Variants in DNMT3A observed in about 807,000 individuals in gnomAD.
DNMT3A encodes DNA methyltransferase 3 alpha.
A neutral mutation model predicts 117.6 loss-of-function variants in DNMT3A; 267 were observed. The ratio of observed to expected loss-of-function variants is 2.27; its 90% CI spans 2.05 to 2.51. The LOEUF (loss-of-function observed/expected upper bound fraction) is 2.51, where lower values mean the gene tolerates loss of function less well. Ranked by LOEUF, DNMT3A falls within the 30% of genes most tolerant of loss-of-function variation. DNMT3A has a pLI of 0.00. For missense variants in DNMT3A, 1,029 were observed against 1,260.2 expected, an observed-to-expected ratio of 0.82 and a Z score of 2.78; for synonymous variants, 432 against 474.8, an observed-to-expected ratio of 0.91 and a Z score of 1.17.
At position 25,240,352 on chromosome 2, in the gene DNMT3A, C is replaced by T; in HGVS notation, c.2272G>A (p.Val758Met). ...DRPFFWLFEN[V>M]VAMGVSDKRD... ...TTGTCACTAACGCCCATGGCCACCACATTCTCAAAGAGCCAGAAGAAGGGG... is the reference window on the plus strand; with the variant it reads ...TTGTCACTAACGCCCATGGCCACCATATTCTCAAAGAGCCAGAAGAAGGGG... Residue 758 changes from valine (V) to methionine (M), a missense_variant, in exon 19 of 23, where the codon GTG (valine) becomes ATG (methionine). Physicochemically the swap from Val to Met is conservative, Grantham distance 21. Transcript: ENST00000321117. The T allele has an allele frequency of 6.2e-7, 1 of 1,614,236 alleles. No homozygotes were observed. The highest frequency in any genetic ancestry group is 8.5e-7 in the Non-Finnish European group (1 of 1,180,040).
chr2:25,268,066 C>T (rs2030522637), intron 6 of DNMT3A, among the ~76,000 whole-genome samples: 1 of 152,152 alleles, frequency 6.6e-6, no homozygotes, highest in Non-Finnish European at 1.5e-5. Context: ...TCCATGAAGG[C>T]TCTGCTATCT....
In DNMT3A at chr2:25,246,208, T is replaced by G. The variant is rs751640699; in HGVS notation, c.1381A>C (p.Thr461Pro). 6.2e-7 allele frequency: 1 copy of G among 1,614,166 alleles called. No homozygotes were observed. ...PPPAKKPRKS[T>P]AEKPKVKEII... ...TCCTTGACCTTGGGCTTCTCCGCTG[T>G]GCTCTTCCGGGGCTTTTTGGCTGGT... The change falls in exon 11 of 23, where the codon ACA becomes CCA. Residue 461 changes from threonine (T) to proline (P), a missense_variant. Coordinates refer to ENST00000321117, the MANE Select transcript of DNMT3A (RefSeq NM_022552.5).
At chr2:25,340,109 G>C (rs1328776234) in intron 1 of DNMT3A, among the ~76,000 whole-genome samples, 2 of 152,218 alleles carry the variant, frequency 1.3e-5, no homozygotes, top group South Asian at 4.1e-4. Flanking sequence ...AGGGGGGGTA[G>C]CTGCGCGGCC....
rs1029960553 is a variant in DNMT3A, at chr2:25,294,058, C to T, written c.177+6081G>A. ...GCCCCTGCCTTTGGGCCTCCCCACA[C>T]TCACCCTGCCCTGCATGCCTTCCTT... On this transcript the variant is annotated intron_variant, in intron 3 of 22. Coordinates refer to ENST00000321117, the MANE Select transcript of DNMT3A (RefSeq NM_022552.5). This position sits in a 1 kb window ranked among gnomAD's most constrained non-coding sequence, Gnocchi z 4.7. 5.9e-5 allele frequency among the ~76,000 whole-genome samples: 9 copies of T among 152,218 alleles called. No homozygotes were observed. The highest frequency in any genetic ancestry group is 2.2e-4 in the African/African-American group (9 of 41,456).
Position 25,274,953 on chromosome 2 carries a change from G to A in DNMT3A, c.627C>T (p.Arg209=). 6 of 1,609,976 alleles carry A rather than the reference G, an allele frequency of 3.7e-6. No homozygotes were observed. Among genetic ancestry groups the A allele is most frequent in the Non-Finnish European group, 5.1e-6 (6 of 1,176,948 alleles). Reference sequence around the variant, plus strand: ...GAAGGCGCCTCACCTCCCTTTTCCAGCGTGCCAGCCACTCGTCCCGCTTGC... The same window carrying A: ...GAAGGCGCCTCACCTCCCTTTTCCAACGTGCCAGCCACTCGTCCCGCTTGC... ...SKRKRDEWLA[R]WKREAEKKAK... is the part of the protein sequence containing the mutation. Residue 209 remains arginine (R), a synonymous_variant, in exon 6 of 23, where the codon CGC becomes CGT. Coordinates refer to ENST00000321117, the MANE Select transcript of DNMT3A (RefSeq NM_022552.5).
chr2:25,341,481 C>T (rs896304114), intron 1 of DNMT3A, among the ~76,000 whole-genome samples: 2 of 143,686 alleles, frequency 1.4e-5, no homozygotes, highest in Admixed American at 1.4e-4. Context: ...CGCAGGCCGG[C>T]GGTGGAGGGG....
rs555904965 is a variant in DNMT3A, at chr2:25,306,212, C to T, written c.73-5969G>A. On this transcript the variant is annotated intron_variant, in intron 2 of 22. Transcript: ENST00000321117. This position sits in a 1 kb window ranked among gnomAD's most constrained non-coding sequence, Gnocchi z 4.1. ...ACTCACATATGCTTGCACACACACC[C>T]GTGCCCAGGCCAACCTGCAGAGGCT... Among the ~76,000 whole-genome samples the T allele has an allele frequency of 2.0e-5, 3 of 152,310 alleles. No individual in the cohort carries two copies. Among genetic ancestry groups the T allele is most frequent in the East Asian group, 1.9e-4 (1 of 5,182 alleles).
intron 4 of DNMT3A, among the ~76,000 whole-genome samples, chr2:25,278,626 G>C (rs749467872): frequency 2.0e-5 from 3 of 152,128 alleles, no homozygotes; most frequent in East Asian, 1.9e-4. Context: ...AGGAGTCCAC[G>C]ACCAGCCTGG....
rs1376076722 is a variant in DNMT3A, at chr2:25,230,721, C to G, written c.*3558G>C. The stretch of plus-strand genomic sequence containing the variant: ...CCAAAGCCCCACACTCTCCTAAATT[C>G]TACTGTGAGACCAAGCACACAGGCT... On this transcript the variant is annotated 3_prime_UTR_variant, in exon 23 of 23. Transcript: ENST00000321117. The G allele has an allele frequency of 7.2e-6, 1 of 139,676 alleles. No individual in the cohort carries two copies. Among genetic ancestry groups the G allele is most frequent in the East Asian group, 2.1e-4 (1 of 4,754 alleles). The allele number at this position is 139,676 out of a possible 1,614,324, so 8.7% of individuals were successfully genotyped here.
chr2:25,244,367 A>G (rs1410706759), intron 14 of DNMT3A, 29 bp from the exon 15 acceptor site: 1 of 1,582,860 alleles, frequency 6.3e-7, no homozygotes, highest in South Asian at 1.1e-5. Flanking sequence ...AGCAGAGGAG[A>G]CTCTCAGCCC....
chr2:25,282,546 G>C lies in DNMT3A; in HGVS notation c.343C>G (p.Pro115Ala), dbSNP rs1170030002. The part of the protein sequence containing the change: ...SPAGGQKGGA[P>A]AEGEGAAETL... The stretch of plus-strand genomic sequence containing the variant: ...TCAGCTGCACCCTCTCCCTCTGCTG[G>C]GGCCCCGCCCTTCTGCCCCCCAGCA... Residue 115 changes from proline to alanine, a missense_variant, in exon 4 of 23, where the codon CCA (proline) becomes GCA (alanine). Physicochemically the swap from Pro to Ala is conservative, Grantham distance 27 (BLOSUM62 -1). Transcript: ENST00000321117. This position sits in a 1 kb window ranked among gnomAD's most constrained non-coding sequence, Gnocchi z 5.2. The C allele has an allele frequency of 6.2e-7, 1 of 1,613,252 alleles. No individual in the cohort carries two copies. The highest frequency in any genetic ancestry group is 8.5e-7 in the Non-Finnish European group (1 of 1,179,932).
intron 2 of DNMT3A, among the ~76,000 whole-genome samples, chr2:25,308,952 G>A (rs1487269284): frequency 1.4e-5 from 2 of 146,356 alleles, no homozygotes; most frequent in African/African-American, 5.1e-5. Context: ...CAGCCCCAAT[G>A]CTGCCCACAG....
intron 1 of DNMT3A, among the ~76,000 whole-genome samples, chr2:25,329,383 C>T (rs946510884): frequency 4.6e-5 from 7 of 152,082 alleles, no homozygotes; most frequent in Non-Finnish European, 1.0e-4. Flanking sequence ...TAACATAGGG[C>T]CTGGCACGTG....
At chr2:25,302,973 G>C (rs1225429433) in intron 2 of DNMT3A, among the ~76,000 whole-genome samples, 2 of 152,170 alleles carry the variant, frequency 1.3e-5, no homozygotes, top group African/African-American at 4.8e-5. Flanking sequence ...CCATAAAATG[G>C]GGGTAGGGAG....
intron 2 of DNMT3A, among the ~76,000 whole-genome samples, chr2:25,309,450 GC>G (rs58769363): frequency 0.021 from 3,160 of 152,236 alleles, 102 homozygotes; most frequent in African/African-American, 0.071. Flanking sequence ...GAGATGAAGT[GC>G]CCCCAACTTC....
intron 19 of DNMT3A, chr2:25,239,548 G>A (rs1191946827): frequency 3.6e-6 from 2 of 554,142 alleles, no homozygotes; most frequent in South Asian, 3.1e-5. Flanking sequence ...GGAGCTGAAT[G>A]GTTAATGTTA....
chr2:25,314,768 C>T (rs775028556), intron 1 of DNMT3A: 29 of 925,266 alleles, frequency 3.1e-5, no homozygotes, highest in South Asian at 5.0e-5. Flanking sequence ...CCACAGGCCA[C>T]GGCCACACTG....
intron 2 of DNMT3A, among the ~76,000 whole-genome samples, chr2:25,300,718 T>TA (rs1558722748): frequency 7.4e-4 from 4 of 5,400 alleles, no homozygotes; most frequent in African/African-American, 2.7e-3. Flanking sequence ...ATATAATATA[T>TA]ATATATATAT....
At chr2:25,244,118 A>G in intron 15 of DNMT3A, 37 bp downstream of exon 15, 2 of 1,613,516 alleles carry the variant, frequency 1.2e-6, no homozygotes, top group East Asian at 2.2e-5. Flanking sequence ...GGCTCAGCCA[A>G]GGGAGCTCGA....
Sources: allele counts gnomAD v4.1 joint callset (sites outside exome capture counted in the v4.1 genomes callset), GRCh38; gene constraint gnomAD v4.1.1; non-coding constraint Gnocchi (gnomAD v3.1); transcripts MANE v1.5; gene names NCBI Gene and HGNC (gene_info 2026-07-23, HGNC 2026-07-21).